The following TTC19 variants were observed in gnomAD, a reference collection of about 807,000 sequenced individuals.
The protein encoded by TTC19 is tetratricopeptide repeat domain 19.
A neutral mutation model predicts 49.5 loss-of-function variants in TTC19; 38 were observed. The observed-to-expected ratio is 0.77, with a 90% CI of 0.59 to 1.01. The LOEUF is 1.01. TTC19 is among the 50% of genes least tolerant of loss of function. The pLI is 0.00. For synonymous variants in TTC19, 204 were observed against 185.2 expected, an observed-to-expected ratio of 1.10 and a Z score of -0.83; for missense variants, 475 against 477.7, an observed-to-expected ratio of 0.99 and a Z score of 0.05.
chr17:16,022,932 C>T (rs969764345), intron 7 of TTC19, among the ~76,000 whole-genome samples: 9 of 151,964 alleles, frequency 5.9e-5, no homozygotes, highest in African/African-American at 1.9e-4. Context: ...TCTGTATAAA[C>T]GATTCCAATA....
exon 3 of TTC19, chr17:16,044,884 C>A: frequency 1.3e-6 from 1 of 749,490 alleles, no homozygotes; most frequent in Non-Finnish European, 2.3e-6. Flanking sequence ...GCTGCTCCAG[C>A]TGAGAAGAAA....
At chr17:16,043,399 T>G (rs1362023713) in intron 2 of TTC19, among the ~76,000 whole-genome samples, 1 of 152,070 alleles carries the variant, frequency 6.6e-6, no homozygotes, top group Non-Finnish European at 1.5e-5. Context: ...AAAATAGTTC[T>G]TGCAATAAAA....
downstream of TTC19, among the ~76,000 whole-genome samples, chr17:16,034,322 T>C (rs1031493228): frequency 2.0e-5 from 3 of 152,126 alleles, no homozygotes; most frequent in Non-Finnish European, 4.4e-5. Flanking sequence ...GGTGTGTGCA[T>C]TGGTTGACTC....
At chr17:16,000,408 A>G in intron 2 of TTC19, 163 bp downstream of exon 2, 5 of 1,480,446 alleles carry the variant, frequency 3.4e-6, no homozygotes, top group Non-Finnish European at 4.5e-6. Context: ...GGGGATTGGA[A>G]TCCATCCAGG....
intron 7 of TTC19, among the ~76,000 whole-genome samples, chr17:16,011,337 C>T (rs1713596769): frequency 6.6e-6 from 1 of 152,206 alleles, no homozygotes; most frequent in Admixed American, 6.5e-5. Context: ...TGAGCTACCA[C>T]ACCCGGCTAA....
At chr17:16,033,434 T>G (rs1170804945), downstream of TTC19, among the ~76,000 whole-genome samples, 1 of 152,042 alleles carries the variant, frequency 6.6e-6, no homozygotes, top group East Asian at 1.9e-4. Flanking sequence ...CTAAGAGATC[T>G]GAGAAGCAGC....
At chr17:16,014,784 C>T (rs1328717001) in intron 7 of TTC19, among the ~76,000 whole-genome samples, 1 of 152,104 alleles carries the variant, frequency 6.6e-6, no homozygotes, top group Non-Finnish European at 1.5e-5. Context: ...TTGTTTCCTT[C>T]CAGAGAGTTA....
chr17:16,002,032 C>A lies in TTC19; in HGVS notation c.423+7C>A. On this transcript the variant is annotated splice_region_variant and intron_variant, in intron 3 of 9. Transcript: ENST00000261647. The stretch of plus-strand genomic sequence containing the variant: ...CACTTACACTTATGATTTGGTAACT[C>A]TTATAACCAGTCTGAACCACTGATG... 1 of 1,594,918 alleles carries A rather than the reference C, an allele frequency of 6.3e-7. No homozygotes were observed. The highest frequency in any genetic ancestry group is 8.6e-7 in the Non-Finnish European group (1 of 1,165,490).
At chr17:16,040,276 C>G in intron 2 of TTC19, 1 of 704,872 alleles carries the variant, frequency 1.4e-6, no homozygotes, top group Non-Finnish European at 2.6e-6. Context: ...ATCTCAGTTC[C>G]TTTCTGTGCT....
At chr17:16,004,829 C>T (rs570090659) in intron 6 of TTC19, among the ~76,000 whole-genome samples, 3 of 152,266 alleles carry the variant, frequency 2.0e-5, no homozygotes, top group South Asian at 2.1e-4. Context: ...TGAGGCCAGG[C>T]CCTGGCACTG....
intron 7 of TTC19, among the ~76,000 whole-genome samples, chr17:16,019,688 TACC>T (rs1971314946): frequency 6.6e-6 from 1 of 152,240 alleles, no homozygotes; most frequent in Non-Finnish European, 1.5e-5. Flanking sequence ...TGTAGAAATA[TACC>T]ACAGTTCTAT....
intron 2 of TTC19, among the ~76,000 whole-genome samples, chr17:16,041,799 C>A (rs372736284): frequency 6.7e-6 from 1 of 150,262 alleles, no homozygotes; most frequent in Non-Finnish European, 1.5e-5. Context: ...TGCAGCGGTG[C>A]GATCTTGGCT....
At chr17:16,016,208 A>G (rs113944339) in intron 7 of TTC19, among the ~76,000 whole-genome samples, 177 of 152,220 alleles carry the variant, frequency 1.2e-3, no homozygotes, top group Non-Finnish European at 2.0e-3. Flanking sequence ...TTATATTTTC[A>G]TGTATCTCAA....
At chr17:16,002,896 T>G (rs1265346086) in intron 4 of TTC19, 65 bp downstream of exon 4, 1 of 1,449,822 alleles carries the variant, frequency 6.9e-7, no homozygotes, top group African/African-American at 1.4e-5. Flanking sequence ...ACTGTAATAG[T>G]AAGAGTACAG....
At chr17:16,001,787 A>G (rs1166952411) in intron 2 of TTC19, 128 bp from the exon 3 acceptor site, 5 of 709,900 alleles carry the variant, frequency 7.0e-6, no homozygotes, top group Non-Finnish European at 1.3e-5. Context: ...GTAGGAATTC[A>G]GTAAATGTCT....
At chr17:16,020,217 G>C (rs1166868538) in intron 7 of TTC19, among the ~76,000 whole-genome samples, 1 of 152,142 alleles carries the variant, frequency 6.6e-6, no homozygotes, top group African/African-American at 2.4e-5. Flanking sequence ...TTTGTTATCA[G>C]ATTTTTTTGA....
chr17:15,999,876 G>A lies in TTC19; in HGVS notation c.28G>A (p.Gly10Ser), dbSNP rs1392164230. The A allele has an allele frequency of 7.0e-7, 1 of 1,437,262 alleles. No homozygotes were observed. Among genetic ancestry groups the A allele is most frequent in the East Asian group, 2.8e-5 (1 of 35,322 alleles). 89.0% of individuals were successfully genotyped at this position (1,437,262 alleles called of 1,614,324 possible). MFRLLSWSL[G>S]RGFLRAAGRR... Reference sequence around the variant, plus strand: ...GTTCCGGCTCCTGAGCTGGAGCCTGGGCCGAGGCTTCCTGCGGGCCGCGGG... The same window carrying A: ...GTTCCGGCTCCTGAGCTGGAGCCTGAGCCGAGGCTTCCTGCGGGCCGCGGG... Residue 10 changes from glycine to serine, a missense_variant, in exon 1 of 10, where the codon GGC (glycine) becomes AGC (serine). Coordinates refer to ENST00000261647, the MANE Select transcript of TTC19 (RefSeq NM_017775.4).
At chr17:16,018,111 AT>A (rs1200210756) in intron 7 of TTC19, among the ~76,000 whole-genome samples, 1 of 152,150 alleles carries the variant, frequency 6.6e-6, no homozygotes, top group Non-Finnish European at 1.5e-5. Flanking sequence ...AGTGGAATTT[AT>A]TGCAGAGGAG....
At position 16,029,346 on chromosome 17, in the gene TTC19, T is replaced by C. The variant is rs1468837180; in HGVS notation, c.*1824T>C. On this transcript the variant is annotated 3_prime_UTR_variant, in exon 10 of 10. Transcript: ENST00000261647. ...AAGGAGGACTGATCTCCTTTACTGA[T>C]TGGTCTAAATTCAAAAGTGAATTGG... 7.5e-6 allele frequency: 3 copies of C among 401,116 alleles called. No individual in the cohort carries two copies. Among genetic ancestry groups the C allele is most frequent in the East Asian group, 7.3e-5 (1 of 13,670 alleles). The allele number at this position is 401,116 out of a possible 1,614,324, so 24.8% of individuals were successfully genotyped here.
Sources: allele counts gnomAD v4.1 joint callset (sites outside exome capture counted in the v4.1 genomes callset), GRCh38; gene constraint gnomAD v4.1.1; transcripts MANE v1.5; gene names NCBI Gene and HGNC (gene_info 2026-07-23, HGNC 2026-07-21).